The following ACSF3 variants were observed in gnomAD, a reference collection of about 807,000 sequenced individuals.
The protein encoded by ACSF3 is malonate--CoA ligase ACSF3, mitochondrial.
In ACSF3, 78 loss-of-function variants were observed where a neutral mutation model predicts 53.2. The ratio of observed to expected loss-of-function variants is 1.47; its 90% CI spans 1.22 to 1.77. The LOEUF (loss-of-function observed/expected upper bound fraction) is 1.77. ACSF3 is among the 40% of genes most tolerant of loss of function. ACSF3 has a pLI of 0.00. For missense variants in ACSF3, 937 were observed against 771.1 expected (o/e 1.22, Z -2.55); for synonymous variants, 414 against 333.1 (o/e 1.24, Z -2.65).
At chr16:89,138,939 A>T (rs1050369093) in intron 8 of ACSF3, among the ~76,000 whole-genome samples, 2 of 152,382 alleles carry the variant, frequency 1.3e-5, no homozygotes, top group South Asian at 4.1e-4. Context: ...GAGAAGAAGA[A>T]TCACAGCCGT....
intron 10 of ACSF3, chr16:89,152,621 A>C (rs953670547): frequency 6.6e-6 from 1 of 152,214 alleles, no homozygotes; most frequent in African/African-American, 2.4e-5. Flanking sequence ...AGAAAAAAAA[A>C]TCTACACATC....
intron 10 of ACSF3, among the ~76,000 whole-genome samples, chr16:89,146,423 C>T (rs1019322708): frequency 7.9e-5 from 12 of 152,250 alleles, no homozygotes; most frequent in African/African-American, 2.4e-4. Flanking sequence ...GCTGGCCGCA[C>T]GCGCTGGGCC....
intron 6 of ACSF3, among the ~76,000 whole-genome samples, chr16:89,116,795 C>T (rs1905197371): frequency 6.6e-6 from 1 of 152,198 alleles, no homozygotes; most frequent in Admixed American, 6.5e-5. Flanking sequence ...CCGCGTTAGT[C>T]TCAGACCCCA....
Position 89,102,317 on chromosome 16 carries a change from A to G in ACSF3, c.667-287A>G, listed in dbSNP as rs7194635. ...CTTGGGCAGGGGCGGAGCTCTGTCG[A>G]CCTGGTGTCTGCAGAGCCACTCCCC... On this transcript the variant is annotated intron_variant, in intron 3 of 10. Transcript: ENST00000614302. 0.72 allele frequency: 339,405 copies of G among 470,742 alleles called. 125,072 individuals are homozygous for G. The highest frequency in any genetic ancestry group is 0.79 in the Admixed American group (23,745 of 30,010). The allele number at this position is 470,742 out of a possible 1,614,324, so 29.2% of individuals were successfully genotyped here.
chr16:89,133,652 C>T (rs555661320), intron 8 of ACSF3, among the ~76,000 whole-genome samples: 72 of 152,352 alleles, frequency 4.7e-4, no homozygotes, highest in African/African-American at 1.7e-3. Flanking sequence ...CGAGGTGTAC[C>T]CCTGTACCCA....
chr16:89,153,707 A>C, intron 10 of ACSF3: 3 of 306,532 alleles, frequency 9.8e-6, no homozygotes, highest in Middle Eastern at 1.1e-3. Flanking sequence ...TGGAAGGGGA[A>C]CGGGCCACAG....
At chr16:89,124,322 A>T (rs933441117) in intron 7 of ACSF3, among the ~76,000 whole-genome samples, 26 of 152,108 alleles carry the variant, frequency 1.7e-4, no homozygotes, top group Non-Finnish European at 5.9e-5. Flanking sequence ...TGTGTGTGTG[A>T]GACCCGTTTG....
chr16:89,103,673 G>A (rs1240338021), intron 4 of ACSF3, among the ~76,000 whole-genome samples: 3 of 152,208 alleles, frequency 2.0e-5, no homozygotes, highest in Admixed American at 6.5e-5. Context: ...GGCAGCCCTC[G>A]GTTACTCCAG....
intron 7 of ACSF3, among the ~76,000 whole-genome samples, chr16:89,125,474 A>G (rs973722297): frequency 1.3e-5 from 2 of 152,082 alleles, no homozygotes; most frequent in African/African-American, 4.8e-5. Context: ...AGGCTAATCA[A>G]CTTGAGACCA....
intron 4 of ACSF3, among the ~76,000 whole-genome samples, chr16:89,103,502 C>A (rs1008796804): frequency 6.6e-6 from 1 of 152,244 alleles, no homozygotes; most frequent in African/African-American, 2.4e-5. Flanking sequence ...GTCAGGGCTC[C>A]CTCGGCTTCC....
At chr16:89,144,902 C>A (rs1912603827) in intron 8 of ACSF3, among the ~76,000 whole-genome samples, 1 of 152,230 alleles carries the variant, frequency 6.6e-6, no homozygotes, top group South Asian at 2.1e-4. Flanking sequence ...TGCAGGGTGT[C>A]TGCAGACCAC....
intron 8 of ACSF3, chr16:89,141,067 T>A: frequency 1.6e-6 from 2 of 1,269,384 alleles, no homozygotes; most frequent in Non-Finnish European, 2.1e-6. Context: ...CATTTCACAG[T>A]GATCGCAAGT....
At chr16:89,113,651 C>A (rs1904466209) in intron 5 of ACSF3, 1 of 156,460 alleles carries the variant, frequency 6.4e-6, no homozygotes. Context: ...GCAGCAGGGA[C>A]CACTCCGCTC....
chr16:89,145,854 C>T, intron 9 of ACSF3, 84 bp from the exon 10 acceptor site: 1 of 1,197,448 alleles, frequency 8.4e-7, no homozygotes, highest in Non-Finnish European at 1.2e-6. Context: ...CCAGACTGCG[C>T]TCTTCCTGTG....
chr16:89,112,301 C>G (rs915223028), intron 5 of ACSF3, 55 bp downstream of exon 5: 4 of 1,596,054 alleles, frequency 2.5e-6, no homozygotes, highest in African/African-American at 2.7e-5. Context: ...TCAACAGATA[C>G]GACTTATTTC....
intron 8 of ACSF3, among the ~76,000 whole-genome samples, chr16:89,134,751 G>A (rs575391941): frequency 6.6e-6 from 1 of 152,310 alleles, no homozygotes; most frequent in African/African-American, 2.4e-5. Context: ...TAGTGAGCTC[G>A]CTTTACTACC....
At chr16:89,114,608 G>T in intron 6 of ACSF3, 121 bp downstream of exon 6, 2 of 1,453,346 alleles carry the variant, frequency 1.4e-6, no homozygotes, top group South Asian at 1.2e-5. Flanking sequence ...TCCCCCGTGG[G>T]ACAGGCCACT....
Position 89,155,353 on chromosome 16 carries a change from A to C in ACSF3, c.*1146A>C. 1 of 451,544 alleles carries C rather than the reference A, an allele frequency of 2.2e-6. No homozygotes were observed. Among genetic ancestry groups the C allele is most frequent in the Non-Finnish European group, 4.5e-6 (1 of 224,646 alleles). 28.0% of individuals were successfully genotyped at this position (451,544 alleles called of 1,614,324 possible). ...AGGAGGCCAGCCCCATCTCAGGCTC[A>C]CGTGCCTCTGACAGGAGACCAGCCC... On this transcript the variant is annotated 3_prime_UTR_variant, in exon 11 of 11. Transcript: ENST00000614302.
Position 89,155,552 on chromosome 16 carries a change from C to T in ACSF3, c.*1345C>T, listed in dbSNP as rs528144983. ...CTGCCCCACCCGAACTCCTGCCTCACGGTGTGGCCTTGTGCATCCCCATGG... is the reference window on the plus strand; with the variant it reads ...CTGCCCCACCCGAACTCCTGCCTCATGGTGTGGCCTTGTGCATCCCCATGG... On this transcript the variant is annotated 3_prime_UTR_variant, in exon 11 of 11. Coordinates refer to ENST00000614302, the MANE Select transcript of ACSF3 (RefSeq NM_001243279.3). The T allele has an allele frequency of 2.9e-5, 13 of 454,154 alleles. No individual in the cohort carries two copies. Among genetic ancestry groups the T allele is most frequent in the South Asian group, 1.4e-4 (9 of 64,476 alleles). The allele number at this position is 454,154 out of a possible 1,614,324, so 28.1% of individuals were successfully genotyped here.
Sources: allele counts gnomAD v4.1 joint callset (sites outside exome capture counted in the v4.1 genomes callset), GRCh38; gene constraint gnomAD v4.1.1; transcripts MANE v1.5; gene names NCBI Gene and HGNC (gene_info 2026-07-23, HGNC 2026-07-21).